Variants in EML5 observed in about 807,000 individuals in gnomAD.
EML5 encodes echinoderm microtubule-associated protein-like 5.
A neutral mutation model predicts 250.0 loss-of-function variants in EML5; 120 were observed. The ratio of observed to expected loss-of-function variants is 0.48; its 90% CI spans 0.41 to 0.56. The LOEUF (loss-of-function observed/expected upper bound fraction) is 0.56. Ranked by LOEUF, EML5 falls within the 20% of genes least tolerant of loss-of-function variation. The pLI, the probability that EML5 is intolerant of heterozygous loss-of-function variation, is 0.00. For synonymous variants in EML5, 771 were observed against 806.5 expected, an observed-to-expected ratio of 0.96 and a Z score of 0.75; for missense variants, 2,006 against 2,437.6, an observed-to-expected ratio of 0.82 and a Z score of 3.73.
chr14:88,712,320 A>T lies in EML5; in HGVS notation c.1608T>A (p.Ala536=). Residue 536 remains alanine (A), a synonymous_variant, in exon 10 of 44, where the codon GCT becomes GCA. Coordinates refer to ENST00000554922, the MANE Select transcript of EML5 (RefSeq NM_183387.3). ...GNYIGQVLVT[A]DDYGIIKLFR... is the part of the protein sequence containing the mutation. ...ATAATTTTATAATTCCATAGTCATC[A>T]GCTGTAACTAAAACTTGGCCAATAT... The T allele has an allele frequency of 6.2e-7, 1 of 1,612,896 alleles. No individual in the cohort carries two copies. The highest frequency in any genetic ancestry group is 8.5e-7 in the Non-Finnish European group (1 of 1,179,352).
chr14:88,702,874 C>T (rs1413510144), intron 13 of EML5, among the ~76,000 whole-genome samples: 1 of 152,128 alleles, frequency 6.6e-6, no homozygotes, highest in East Asian at 1.9e-4. Context: ...CCCACCTCAG[C>T]CCTCCAAGTA....
At chr14:88,772,799 C>T (rs1187815556) in intron 1 of EML5, among the ~76,000 whole-genome samples, 4 of 152,082 alleles carry the variant, frequency 2.6e-5, no homozygotes, top group African/African-American at 9.7e-5. Flanking sequence ...ACCTTAGCTC[C>T]TACCATTTTT....
chr14:88,688,983 A>C (rs966291118), intron 17 of EML5, among the ~76,000 whole-genome samples: 8 of 152,324 alleles, frequency 5.3e-5, no homozygotes, highest in African/African-American at 1.9e-4. Flanking sequence ...ATTTTTCTAT[A>C]AATATCATCC....
chr14:88,731,989 C>A lies in EML5; in HGVS notation c.1049+4375G>T, dbSNP rs375879247. On this transcript the variant is annotated intron_variant, in intron 7 of 43. Coordinates refer to ENST00000554922, the MANE Select transcript of EML5 (RefSeq NM_183387.3). Reference sequence around the variant, plus strand: ...AGCCCTTTGTCAGATGAGTAGAGTGCAAAAATTTTCTCCCATTCTGTAGGT... The same window carrying A: ...AGCCCTTTGTCAGATGAGTAGAGTGAAAAAATTTTCTCCCATTCTGTAGGT... Among the ~76,000 whole-genome samples, 9 of 152,216 alleles carry A rather than the reference C, an allele frequency of 5.9e-5. No homozygotes were observed. The East Asian group carries it at 1.4e-3, about 23-fold the overall frequency.
chr14:88,666,165 T>G (rs2092301972), intron 21 of EML5, among the ~76,000 whole-genome samples: 1 of 152,190 alleles, frequency 6.6e-6, no homozygotes, highest in African/African-American at 2.4e-5. Flanking sequence ...TTTTGCAGAG[T>G]AGGTTTTACC....
rs770289863 is a variant in EML5, at chr14:88,618,736, G to A, written c.5452C>T (p.Pro1818Ser). The A allele has an allele frequency of 7.5e-6, 12 of 1,607,886 alleles. No individual in the cohort carries two copies. Among genetic ancestry groups the A allele is most frequent in the Non-Finnish European group, 1.0e-5 (12 of 1,176,880 alleles). Reference protein sequence around the residue: ...SVDFYDLTLGPTLNRISYCKD... With the variant: ...SVDFYDLTLGSTLNRISYCKD... ...CAGTAGCTGATTCTGTTAAGAGTGG[G>A]GCCCAGCGTTAGGTCATAAAAATCC... Residue 1818 changes from proline to serine, a missense_variant, in exon 40 of 44, where the codon CCC becomes TCC. Transcript: ENST00000554922.
Position 88,664,583 on chromosome 14 carries a change from T to G in EML5, c.3319A>C (p.Ile1107Leu). The change falls in exon 23 of 44, where the codon ATA becomes CTA. Residue 1107 changes from isoleucine (I) to leucine (L), a missense_variant. Ile to Leu is a conservative substitution (Grantham distance 5). Transcript: ENST00000554922. ...CTACTCATTACATTGTATATATCTATAAAGCTGTCATGGGATGCTACAGCA... is the reference window on the plus strand; with the variant it reads ...CTACTCATTACATTGTATATATCTAGAAAGCTGTCATGGGATGCTACAGCA... ...YLAVASHDSFIDIYNVMSSKR... is the reference protein window; with the variant it reads ...YLAVASHDSFLDIYNVMSSKR... 6.2e-7 allele frequency: 1 copy of G among 1,608,950 alleles called. No individual in the cohort carries two copies. Among genetic ancestry groups the G allele is most frequent in the South Asian group, 1.1e-5 (1 of 89,446 alleles).
chr14:88,784,930 C>T (rs994993557), intron 1 of EML5, among the ~76,000 whole-genome samples: 10 of 152,080 alleles, frequency 6.6e-5, no homozygotes, highest in Non-Finnish European at 1.5e-4. Flanking sequence ...AGCTAAGATT[C>T]GGAAGCAACC....
In EML5 at chr14:88,612,837, TTTAGAG is replaced by T. The variant is rs2140188977; in HGVS notation, c.*2975_*2980del. ...TGTTAAGGCAAGAAGTGTCAAATGC[TTTAGAG>T]TTAAATAACAGATCACTGATTTCAA... On this transcript the variant is annotated 3_prime_UTR_variant, in exon 44 of 44. Coordinates refer to ENST00000554922, the MANE Select transcript of EML5 (RefSeq NM_183387.3). 6.5e-6 allele frequency: 1 copy of T among 152,742 alleles called. No homozygotes were observed. Among genetic ancestry groups the T allele is most frequent in the Non-Finnish European group, 1.5e-5 (1 of 68,040 alleles). 9.5% of individuals were successfully genotyped at this position (152,742 alleles called of 1,614,324 possible). A position where few individuals can be genotyped will look rare whatever the true frequency, so the allele number is the denominator to read the frequency against.
chr14:88,783,648 G>A (rs1325300820), intron 1 of EML5, among the ~76,000 whole-genome samples: 1 of 152,146 alleles, frequency 6.6e-6, no homozygotes, highest in Non-Finnish European at 1.5e-5. Context: ...CAACACTAGA[G>A]CACTTAGATA....
intron 7 of EML5, among the ~76,000 whole-genome samples, chr14:88,727,742 T>A (rs1219753027): frequency 1.3e-5 from 2 of 152,186 alleles, no homozygotes; most frequent in African/African-American, 4.8e-5. Flanking sequence ...ATTCTTTCAC[T>A]TTTAGATAGG....
intron 1 of EML5, among the ~76,000 whole-genome samples, chr14:88,765,562 A>C (rs1344510903): frequency 6.6e-6 from 1 of 152,220 alleles, no homozygotes; most frequent in Non-Finnish European, 1.5e-5. Flanking sequence ...TCACATAATT[A>C]GACTGGGCCC....
chr14:88,706,053 C>T (rs374317627), intron 11 of EML5, among the ~76,000 whole-genome samples: 6 of 152,050 alleles, frequency 3.9e-5, no homozygotes, highest in South Asian at 2.1e-4. Context: ...TAGATTAAAA[C>T]GCAATCAAAA....
chr14:88,717,102 G>A (rs1443951370), intron 8 of EML5, among the ~76,000 whole-genome samples: 1 of 152,188 alleles, frequency 6.6e-6, no homozygotes, highest in African/African-American at 2.4e-5. Flanking sequence ...ATTTCTAGCT[G>A]AGTGATTCTG....
rs149959061 is a variant in EML5 at position 88,652,535 on chromosome 14, T to C, written c.4005-2609A>G. ...TCTGAGTTCCAAAATTCTTCAGCAC[T>C]ATCCTAAATGGCCACAAATTCGCTT... On this transcript the variant is annotated intron_variant, in intron 27 of 43. Coordinates refer to ENST00000554922, the MANE Select transcript of EML5 (RefSeq NM_183387.3). 1.3e-3 allele frequency among the ~76,000 whole-genome samples: 202 copies of C among 152,294 alleles called. 4 individuals are homozygous for C. In the East Asian group the frequency reaches 0.036, roughly 27 times the overall value.
At chr14:88,647,404 A>G (rs1392129027) in intron 28 of EML5, among the ~76,000 whole-genome samples, 1 of 151,948 alleles carries the variant, frequency 6.6e-6, no homozygotes, top group African/African-American at 2.4e-5. Flanking sequence ...AAGAATAAAG[A>G]AAAGGCATAA....
rs137921760 is a variant in EML5 at position 88,734,117 on chromosome 14, A to G, written c.1049+2247T>C. ...AAGAGCTGCTAAAAGTAAAGGAGAA[A>G]AAGATCAACAACCCTACAGAAAAAA... On this transcript the variant is annotated intron_variant, in intron 7 of 43. Transcript: ENST00000554922. Among the ~76,000 whole-genome samples the G allele has an allele frequency of 2.8e-3, 429 of 152,288 alleles. 2 individuals carry two copies. Among genetic ancestry groups the G allele is most frequent in the African/African-American group, 9.9e-3 (413 of 41,568 alleles).
At chr14:88,622,486 C>A in intron 37 of EML5, 118 bp downstream of exon 37, 1 of 783,506 alleles carries the variant, frequency 1.3e-6, no homozygotes, top group Non-Finnish European at 1.8e-6. Flanking sequence ...TGTTGGCAAG[C>A]AAATCCATCG....
intron 21 of EML5, among the ~76,000 whole-genome samples, chr14:88,666,412 G>A (rs1412550529): frequency 6.6e-6 from 1 of 152,082 alleles, no homozygotes; most frequent in African/African-American, 2.4e-5. Flanking sequence ...TTTTAGTAGA[G>A]ATGGGGTTTC....
Sources: gnomAD v4.1 joint callset for allele counts (sites outside exome capture counted in the v4.1 genomes callset) on GRCh38, gnomAD v4.1.1 for gene constraint, MANE v1.5 for transcripts, NCBI Gene and HGNC (gene_info 2026-07-23, HGNC 2026-07-21) for gene names.